Variants in L3MBTL3 observed in about 807,000 individuals in gnomAD.
L3MBTL3 encodes the protein lethal(3)malignant brain tumor-like protein 3.
Under a neutral mutation model 102.3 loss-of-function variants are expected in L3MBTL3, and 27 were observed. That is an observed-to-expected ratio of 0.26 (90% CI 0.19 to 0.36). L3MBTL3 has a LOEUF of 0.36. L3MBTL3 is among the 10% of genes least tolerant of loss of function. The pLI, the probability that L3MBTL3 is intolerant of heterozygous loss-of-function variation, is 1.00. For missense variants in L3MBTL3, 798 were observed against 955.3 expected (o/e 0.84, Z 2.17); for synonymous variants, 340 against 320.9 (o/e 1.06, Z -0.64).
At chr6:130,033,846 G>A (rs1288167170) in intron 2 of L3MBTL3, among the ~76,000 whole-genome samples, 1 of 152,260 alleles carries the variant, frequency 6.6e-6, no homozygotes, top group African/African-American at 2.4e-5. Flanking sequence ...CTTGATGAAT[G>A]TTAACTAGCC....
chr6:130,068,084 A>T (rs1259463710), intron 11 of L3MBTL3, among the ~76,000 whole-genome samples: 3 of 152,232 alleles, frequency 2.0e-5, no homozygotes, highest in African/African-American at 7.2e-5. Flanking sequence ...GGTATAATAC[A>T]TATTTGTTTC....
chr6:130,026,737 T>C (rs910853833), intron 2 of L3MBTL3, among the ~76,000 whole-genome samples: 2 of 152,150 alleles, frequency 1.3e-5, no homozygotes, highest in Non-Finnish European at 2.9e-5. Context: ...GGCTTACTTA[T>C]ATAAAGATTT....
intron 18 of L3MBTL3, among the ~76,000 whole-genome samples, chr6:130,096,990 G>A (rs887155545): frequency 6.6e-6 from 1 of 152,162 alleles, no homozygotes; most frequent in Non-Finnish European, 1.5e-5. Flanking sequence ...AGAGTTGTTG[G>A]TTGACTCGAG....
chr6:130,116,977 A>AT (rs1380272758), intron 19 of L3MBTL3, among the ~76,000 whole-genome samples: 7 of 133,692 alleles, frequency 5.2e-5, no homozygotes, highest in South Asian at 2.3e-4. Flanking sequence ...TTATTTTTTT[A>AT]TTTTTTTATT....
At chr6:130,108,243 T>TTTTTTTTTTTTTTTTTTTG (rs1785119358) in intron 19 of L3MBTL3, among the ~76,000 whole-genome samples, 1 of 142,580 alleles carries the variant, frequency 7.0e-6, no homozygotes, top group Admixed American at 6.9e-5. Flanking sequence ...TTTTTTTTTT[T>TTTTTTTTTTTTTTTTTTTG]TTTTTTTTTT....
chr6:130,111,193 C>T (rs868458950), intron 19 of L3MBTL3, among the ~76,000 whole-genome samples: 15 of 152,036 alleles, frequency 9.9e-5, no homozygotes, highest in Admixed American at 9.8e-4. Flanking sequence ...GGGCAGACAG[C>T]CAGAAAAAGC....
intron 15 of L3MBTL3, among the ~76,000 whole-genome samples, chr6:130,085,285 G>A (rs957164373): frequency 6.6e-6 from 1 of 152,114 alleles, no homozygotes; most frequent in African/African-American, 2.4e-5. Context: ...TGAGGCGTAG[G>A]TAGCTGTTGA....
At chr6:130,138,675 G>A (rs551394497) in intron 22 of L3MBTL3, among the ~76,000 whole-genome samples, 1 of 152,240 alleles carries the variant, frequency 6.6e-6, no homozygotes, top group East Asian at 1.9e-4. Context: ...AACCCATAAC[G>A]GAGTGCGTTG....
chr6:130,107,123 T>G (rs889336886), intron 19 of L3MBTL3, among the ~76,000 whole-genome samples: 4 of 152,172 alleles, frequency 2.6e-5, no homozygotes, highest in African/African-American at 9.7e-5. Flanking sequence ...TGTCATGACT[T>G]GATACCTCTC....
Position 130,051,863 on chromosome 6 carries a change from G to A in L3MBTL3, c.449+455G>A, listed in dbSNP as rs145753375. Reference sequence around the variant, plus strand: ...AATGGAAATGGCCATAGGGAAGAGTGTAGTGAGTTGGGTCACTGATGATCT... The same window carrying A: ...AATGGAAATGGCCATAGGGAAGAGTATAGTGAGTTGGGTCACTGATGATCT... On this transcript the variant is annotated intron_variant, in intron 6 of 22. Transcript: ENST00000361794. Among the ~76,000 whole-genome samples, 26 of 152,334 alleles carry A rather than the reference G, an allele frequency of 1.7e-4. No individual in the cohort carries two copies. The East Asian group carries it at 4.8e-3, about 28-fold the overall frequency.
chr6:130,064,631 G>A (rs1782125737), intron 10 of L3MBTL3, among the ~76,000 whole-genome samples: 1 of 152,166 alleles, frequency 6.6e-6, no homozygotes, highest in South Asian at 2.1e-4. Flanking sequence ...CTCGGCAGGG[G>A]AGAACTGGCC....
At chr6:130,097,004 C>T (rs918144103) in intron 18 of L3MBTL3, among the ~76,000 whole-genome samples, 2 of 152,180 alleles carry the variant, frequency 1.3e-5, no homozygotes, top group Non-Finnish European at 2.9e-5. Context: ...ACTCGAGCCC[C>T]TGGACCAAGG....
At chr6:130,031,436 T>G (rs1195899529) in intron 2 of L3MBTL3, among the ~76,000 whole-genome samples, 1 of 152,252 alleles carries the variant, frequency 6.6e-6, no homozygotes, top group Non-Finnish European at 1.5e-5. Context: ...TAAGTGACTC[T>G]GGGAAACTTT....
chr6:130,139,544 T>C (rs1788087224), intron 22 of L3MBTL3, 66 bp from the exon 23 acceptor site: 1 of 1,463,814 alleles, frequency 6.8e-7, no homozygotes, highest in Non-Finnish European at 9.5e-7. Context: ...TAATTTAACC[T>C]TGAATATTTT....
chr6:130,055,661 C>CCT (rs1173727950), intron 8 of L3MBTL3, among the ~76,000 whole-genome samples: 2 of 28,662 alleles, frequency 7.0e-5, no homozygotes, highest in South Asian at 3.6e-3. Context: ...TCCCTCCCTC[C>CCT]CTCTCTCTCC....
chr6:130,041,884 T>C (rs1407755169), intron 2 of L3MBTL3, among the ~76,000 whole-genome samples: 1 of 152,226 alleles, frequency 6.6e-6, no homozygotes, highest in Non-Finnish European at 1.5e-5. Flanking sequence ...AGTCTGAAGC[T>C]AGACTGCTCA....
At chr6:130,067,651 C>T (rs1013338576) in intron 11 of L3MBTL3, among the ~76,000 whole-genome samples, 9 of 152,088 alleles carry the variant, frequency 5.9e-5, no homozygotes, top group East Asian at 5.8e-4. Flanking sequence ...AGCCTTTTCA[C>T]GAATTGATCT....
intron 19 of L3MBTL3, among the ~76,000 whole-genome samples, chr6:130,106,589 G>A (rs1206892368): frequency 6.6e-6 from 1 of 152,160 alleles, no homozygotes; most frequent in East Asian, 1.9e-4. Flanking sequence ...GAAGCAGCCT[G>A]TGAGCTAGTG....
intron 20 of L3MBTL3, among the ~76,000 whole-genome samples, chr6:130,124,047 G>A (rs927783398): frequency 9.2e-5 from 14 of 152,184 alleles, no homozygotes; most frequent in Non-Finnish European, 7.3e-5. Flanking sequence ...TTGGGCAGAC[G>A]GAGAAGCTGA....
Sources: allele counts gnomAD v4.1 joint callset (sites outside exome capture counted in the v4.1 genomes callset), GRCh38; gene constraint gnomAD v4.1.1; transcripts MANE v1.5; gene names NCBI Gene and HGNC (gene_info 2026-07-23, HGNC 2026-07-21).